TBC1D32: variants seen among roughly 807,000 people sequenced by gnomAD.
TBC1D32 encodes the protein protein broad-minded.
Under a neutral mutation model 170.3 loss-of-function variants are expected in TBC1D32, and 151 were observed. The observed-to-expected ratio is 0.89, with a 90% CI of 0.78 to 1.01. The LOEUF is 1.01. Among genes scored for constraint, TBC1D32 ranks in the 50% least tolerant of loss-of-function variants. The pLI, the probability that TBC1D32 is intolerant of heterozygous loss-of-function variation, is 0.00. For synonymous variants in TBC1D32, 498 were observed against 488.0 expected, an observed-to-expected ratio of 1.02 and a Z score of -0.27; for missense variants, 1,464 against 1,457.1, an observed-to-expected ratio of 1.00 and a Z score of -0.08.
intron 22 of TBC1D32, among the ~76,000 whole-genome samples, chr6:121,188,587 A>C (rs1032761458): frequency 1.3e-5 from 2 of 152,190 alleles, no homozygotes; most frequent in African/African-American, 4.8e-5. Flanking sequence ...AGATAGTGTA[A>C]GCGTGTTATT....
rs999793954 is a variant in TBC1D32 at position 121,312,018 on chromosome 6, G to A, written c.496-1171C>T. On this transcript the variant is annotated intron_variant, in intron 3 of 31. Coordinates refer to ENST00000398212, the MANE Select transcript of TBC1D32 (RefSeq NM_152730.6). ...GCACACATACACCATGGAATACTAC[G>A]CAGCCATAAAAAAGGATGAGTTAAT... is the stretch of plus-strand genomic sequence containing the variant. Among the ~76,000 whole-genome samples, 9 of 152,244 alleles carry A rather than the reference G, an allele frequency of 5.9e-5. No homozygotes were observed. In the East Asian group the frequency reaches 7.7e-4, roughly 13 times the overall value.
At position 121,256,275 on chromosome 6, in the gene TBC1D32, C is replaced by T. The variant is rs755465061; in HGVS notation, c.1744G>A (p.Ala582Thr). 1.2e-6 allele frequency: 2 copies of T among 1,611,608 alleles called. No individual in the cohort carries two copies. Among genetic ancestry groups the T allele is most frequent in the African/African-American group, 1.3e-5 (1 of 74,818 alleles). ...TTCGAAAACTGGGCAATTATATGAGCACCTGTAGGACTAAAAGATGATACC... is the reference window on the plus strand; with the variant it reads ...TTCGAAAACTGGGCAATTATATGAGTACCTGTAGGACTAAAAGATGATACC... ...MNSSEESPTG[A>T]HIIAQFSKKL... The change falls in exon 16 of 32, where the codon GCT becomes ACT. Residue 582 changes from alanine (A) to threonine (T), a missense_variant. This residue lies in a region of TBC1D32 where 1,363 missense variants were observed against 1,338.1 expected (regional missense o/e 1.02). Transcript: ENST00000398212.
intron 25 of TBC1D32, 84 bp downstream of exon 25, chr6:121,131,543 C>A: frequency 1.4e-6 from 2 of 1,400,956 alleles, no homozygotes; most frequent in South Asian, 1.4e-5. Context: ...TCTACATATG[C>A]CAATACTAAT....
At chr6:121,107,449 G>GA (rs935319723) in intron 29 of TBC1D32, among the ~76,000 whole-genome samples, 94 of 151,740 alleles carry the variant, frequency 6.2e-4, no homozygotes, top group Non-Finnish European at 1.0e-3. Flanking sequence ...CACAGCACTT[G>GA]AAAAAAACAT....
At chr6:121,220,659 G>A (rs1484815701) in intron 21 of TBC1D32, among the ~76,000 whole-genome samples, 1 of 58,064 alleles carries the variant, frequency 1.7e-5, no homozygotes, top group Middle Eastern at 0.013. Flanking sequence ...TTTTTTTTTT[G>A]AGATTGAGTC....
At position 121,283,023 on chromosome 6, in the gene TBC1D32, T is replaced by G. The variant is rs150891971; in HGVS notation, c.1465+795A>C. ...CAGCTTGTTACATGGATATACTGAA[T>G]AATGGTGAGATTTGGGCTTCTGGTG... On this transcript the variant is annotated intron_variant, in intron 13 of 31. Transcript: ENST00000398212. Among the ~76,000 whole-genome samples the G allele has an allele frequency of 1.3e-4, 20 of 152,000 alleles. No individual in the cohort carries two copies. In the East Asian group the frequency reaches 2.3e-3, roughly 18 times the overall value.
At chr6:121,102,251 G>A (rs1458012918) in intron 30 of TBC1D32, among the ~76,000 whole-genome samples, 1 of 151,878 alleles carries the variant, frequency 6.6e-6, no homozygotes, top group South Asian at 2.1e-4. Context: ...TAAAGTTCAT[G>A]TGGAACCAGA....
intron 15 of TBC1D32, among the ~76,000 whole-genome samples, chr6:121,257,383 C>T (rs556565228): frequency 4.6e-5 from 7 of 152,258 alleles, no homozygotes; most frequent in East Asian, 3.9e-4. Context: ...CTCTCTAGTA[C>T]GTAGTCCTCC....
At chr6:121,322,661 C>G (rs894639249) in intron 1 of TBC1D32, among the ~76,000 whole-genome samples, 1 of 152,032 alleles carries the variant, frequency 6.6e-6, no homozygotes, top group Non-Finnish European at 1.5e-5. Flanking sequence ...TTCCTGACCA[C>G]CTCTACACCT....
chr6:121,251,521 G>A (rs1798290691), intron 17 of TBC1D32, among the ~76,000 whole-genome samples: 1 of 152,080 alleles, frequency 6.6e-6, no homozygotes, highest in Admixed American at 6.6e-5. Context: ...ACTGAAACTA[G>A]ATGCCTCCCT....
At chr6:121,244,478 G>A (rs1749778040) in intron 17 of TBC1D32, among the ~76,000 whole-genome samples, 1 of 152,098 alleles carries the variant, frequency 6.6e-6, no homozygotes, top group Non-Finnish European at 1.5e-5. Flanking sequence ...GACTCCTTAG[G>A]TGGGACCTGC....
intron 12 of TBC1D32, among the ~76,000 whole-genome samples, chr6:121,287,493 A>G (rs915207278): frequency 1.3e-5 from 2 of 152,188 alleles, no homozygotes; most frequent in African/African-American, 4.8e-5. Flanking sequence ...GAGCACCCAG[A>G]TTCATAAAGA....
intron 22 of TBC1D32, among the ~76,000 whole-genome samples, chr6:121,193,494 T>C (rs1790342557): frequency 6.6e-6 from 1 of 152,208 alleles, no homozygotes; most frequent in South Asian, 2.1e-4. Flanking sequence ...ATTGTTCTTC[T>C]CTGTATGTCA....
intron 31 of TBC1D32, among the ~76,000 whole-genome samples, chr6:121,087,671 T>C (rs1203281703): frequency 6.6e-6 from 1 of 152,210 alleles, no homozygotes; most frequent in Non-Finnish European, 1.5e-5. Flanking sequence ...TTATTTGAAC[T>C]CATTTATAAC....
chr6:121,299,731 G>T (rs1480327732), intron 9 of TBC1D32, among the ~76,000 whole-genome samples: 8 of 152,110 alleles, frequency 5.3e-5, no homozygotes, highest in Non-Finnish European at 1.0e-4. Context: ...TGACTGACCA[G>T]TAGAAGAACA....
At chr6:121,196,338 T>A (rs1178072098) in intron 22 of TBC1D32, among the ~76,000 whole-genome samples, 1 of 152,136 alleles carries the variant, frequency 6.6e-6, no homozygotes, top group Admixed American at 6.5e-5. Flanking sequence ...AGTGCCCAAT[T>A]TGCCAGCAGC....
chr6:121,253,368 A>G (rs1260759305), intron 17 of TBC1D32, among the ~76,000 whole-genome samples: 4 of 152,168 alleles, frequency 2.6e-5, no homozygotes, highest in Non-Finnish European at 5.9e-5. Flanking sequence ...CAACATCACT[A>G]ATCATCAGGG....
intron 21 of TBC1D32, among the ~76,000 whole-genome samples, chr6:121,213,507 A>AC (rs1793389821): frequency 1.3e-5 from 1 of 78,052 alleles, no homozygotes; most frequent in Non-Finnish European, 2.1e-5. Flanking sequence ...AATAAAATAA[A>AC]ATAAAATAAA....
intron 21 of TBC1D32, among the ~76,000 whole-genome samples, chr6:121,218,684 G>A (rs1794125001): frequency 1.3e-5 from 2 of 152,058 alleles, no homozygotes; most frequent in South Asian, 2.1e-4. Flanking sequence ...TAGATACATA[G>A]AGAGATATAT....
Sources: allele counts gnomAD v4.1 joint callset (sites outside exome capture counted in the v4.1 genomes callset), GRCh38; gene constraint gnomAD v4.1.1; regional missense constraint gnomAD v4.1.1; transcripts MANE v1.5; gene names NCBI Gene and HGNC (gene_info 2026-07-23, HGNC 2026-07-21).